ZNFX1: variants seen among roughly 807,000 people sequenced by gnomAD.
ZNFX1 encodes the protein NFX1-type zinc finger-containing protein 1.
Under a neutral mutation model 179.8 loss-of-function variants are expected in ZNFX1, and 78 were observed. The observed-to-expected ratio is 0.43, with a 90% CI of 0.36 to 0.52. The LOEUF is 0.52. Ranked by LOEUF, ZNFX1 falls within the 20% of genes least tolerant of loss-of-function variation. The pLI is 0.00. For synonymous variants in ZNFX1, 848 were observed against 868.5 expected (o/e 0.98, Z 0.42); for missense variants, 1,927 against 2,386.6 (o/e 0.81, Z 4.01).
intron 10 of ZNFX1, 129 bp from the exon 11 acceptor site, chr20:49,253,940 G>T: frequency 9.2e-7 from 1 of 1,081,998 alleles, no homozygotes; most frequent in Non-Finnish European, 1.3e-6. Flanking sequence ...TCCTTATAGT[G>T]TTCTGGGTGG....
chr20:49,257,719 T>G (rs1600989374), intron 7 of ZNFX1, 55 bp from the exon 8 acceptor site: 1 of 1,369,588 alleles, frequency 7.3e-7, no homozygotes, highest in Non-Finnish European at 9.8e-7. Context: ...TTTTTTTTTT[T>G]GATATGGAAT....
intron 2 of ZNFX1, among the ~76,000 whole-genome samples, chr20:49,273,009 A>T (rs1981458993): frequency 5.4e-5 from 1 of 18,526 alleles, no homozygotes; most frequent in African/African-American, 1.1e-4. Flanking sequence ...ATGATTTGAT[A>T]AAAAAGTTGT....
intron 1 of ZNFX1, among the ~76,000 whole-genome samples, chr20:49,276,279 C>T (rs1404752146): frequency 6.6e-6 from 1 of 152,194 alleles, no homozygotes; most frequent in African/African-American, 2.4e-5. Flanking sequence ...AAAAGGAGTA[C>T]ATTTTTGTTA....
At chr20:49,268,692 T>G (rs1444474307) in intron 3 of ZNFX1, among the ~76,000 whole-genome samples, 1 of 152,022 alleles carries the variant, frequency 6.6e-6, no homozygotes, top group African/African-American at 2.4e-5. Context: ...GAACAGACAC[T>G]TCTCAAAAGA....
intron 2 of ZNFX1, among the ~76,000 whole-genome samples, chr20:49,274,347 A>G (rs1421157662): frequency 6.6e-6 from 1 of 152,258 alleles, no homozygotes; most frequent in African/African-American, 2.4e-5. Context: ...GTGAATTATT[A>G]AAGTATGATA....
chr20:49,273,968 C>G (rs1422692654), intron 2 of ZNFX1, among the ~76,000 whole-genome samples: 1 of 152,110 alleles, frequency 6.6e-6, no homozygotes, highest in African/African-American at 2.4e-5. Flanking sequence ...TCACAAGAGC[C>G]CATAGTTCTT....
chr20:49,262,289 C>T (rs151027579), intron 6 of ZNFX1, among the ~76,000 whole-genome samples: 191 of 151,708 alleles, frequency 1.3e-3, no homozygotes, highest in African/African-American at 4.4e-3. Flanking sequence ...GCCTGTAATC[C>T]TAGCTACTCA....
At chr20:49,255,668 G>T in intron 9 of ZNFX1, 140 bp downstream of exon 9, 2 of 921,714 alleles carry the variant, frequency 2.2e-6, no homozygotes, top group Non-Finnish European at 3.3e-6. Flanking sequence ...CTATCCCATG[G>T]CTGTATCCCT....
intron 2 of ZNFX1, among the ~76,000 whole-genome samples, chr20:49,274,193 G>A (rs1981495517): frequency 6.6e-6 from 1 of 152,184 alleles, no homozygotes; most frequent in Non-Finnish European, 1.5e-5. Flanking sequence ...TGGCTGCTAT[G>A]TTTGTGAAAT....
At chr20:49,269,901 T>C in intron 3 of ZNFX1, 41 bp downstream of exon 3, 2 of 1,534,254 alleles carry the variant, frequency 1.3e-6, no homozygotes, top group Non-Finnish European at 1.7e-6. Context: ...TTGCTTATCT[T>C]ACAAAGCAGA....
intron 7 of ZNFX1, among the ~76,000 whole-genome samples, chr20:49,258,506 G>A (rs1018387367): frequency 2.6e-5 from 4 of 152,206 alleles, no homozygotes; most frequent in African/African-American, 9.6e-5. Flanking sequence ...ACGAATATAT[G>A]CCTTTTAAAG....
chr20:49,277,506 AG>A (rs999410062), intron 1 of ZNFX1, among the ~76,000 whole-genome samples: 2 of 128,996 alleles, frequency 1.6e-5, no homozygotes, highest in African/African-American at 6.0e-5. Context: ...CGGAGGAATG[AG>A]GGGGGTGCGA....
In ZNFX1 at chr20:49,257,562, T is replaced by G; in HGVS notation, c.2519A>C (p.Glu840Ala). 1.2e-6 allele frequency: 2 copies of G among 1,613,920 alleles called. No individual in the cohort carries two copies. The highest frequency in any genetic ancestry group is 2.2e-5 in the South Asian group (2 of 91,064). ...CCGCTGGGGCCTCACCACCTCTTCC[T>G]CCTCAATCACCCGGTCTGCTTGAAT... is the stretch of plus-strand genomic sequence containing the variant. ...DLIQADRVIE[E>A]EEVVRPQRRK... The change falls in exon 8 of 14, where the codon GAG becomes GCG. Residue 840 changes from glutamate to alanine, a missense_variant. By Grantham distance (107) the Glu-to-Ala change is moderately radical. Transcript: ENST00000396105.
At chr20:49,255,546 G>A (rs117270774) in intron 9 of ZNFX1, among the ~76,000 whole-genome samples, 25 of 152,176 alleles carry the variant, frequency 1.6e-4, no homozygotes, top group East Asian at 7.7e-4. Context: ...GTGGAATTAC[G>A]TGATTAATTT....
intron 2 of ZNFX1, among the ~76,000 whole-genome samples, chr20:49,273,692 G>C (rs1057164015): frequency 2.0e-5 from 3 of 152,154 alleles, no homozygotes; most frequent in Non-Finnish European, 4.4e-5. Context: ...CACTTTGGGA[G>C]GCTAAGGCAG....
chr20:49,271,735 T>G lies in ZNFX1; in HGVS notation c.77A>C (p.Glu26Ala). 1.2e-6 allele frequency: 2 copies of G among 1,612,112 alleles called. No individual in the cohort carries two copies. Among genetic ancestry groups the G allele is most frequent in the Non-Finnish European group, 1.7e-6 (2 of 1,178,870 alleles). Residue 26 changes from glutamate (E) to alanine (A), a missense_variant, in exon 3 of 14, where the codon GAG (glutamate) becomes GCG (alanine). Physicochemically the swap from Glu to Ala is moderately radical, Grantham distance 107. Coordinates refer to ENST00000396105, the MANE Select transcript of ZNFX1 (RefSeq NM_021035.3). ...HTNHRGPVDG[E>A]LPPRARNQAN... ...CTGATTTCTAGCTCTTGGTGGTAACTCTCCATCCACAGGGCCTAAACACAA... is the reference window on the plus strand; with the variant it reads ...CTGATTTCTAGCTCTTGGTGGTAACGCTCCATCCACAGGGCCTAAACACAA...
rs547573579 is a variant in ZNFX1, at chr20:49,256,049, A to T, written c.2665-102T>A. On this transcript the variant is annotated intron_variant, in intron 8 of 13. Coordinates refer to ENST00000396105, the MANE Select transcript of ZNFX1 (RefSeq NM_021035.3). ...GCACGTAAGAAAAAGGGCTGGCATC[A>T]CTGATTAATGTCAAGTGTCTTACAT... is the stretch of plus-strand genomic sequence containing the variant. The T allele has an allele frequency of 2.4e-5, 33 of 1,391,810 alleles. No individual in the cohort carries two copies. In the African/African-American group the frequency reaches 4.6e-4, roughly 19 times the overall value. The allele number at this position is 1,391,810 out of a possible 1,614,324, so 86.2% of individuals were successfully genotyped here.
chr20:49,249,485 C>T lies in ZNFX1; in HGVS notation c.3539G>A (p.Arg1180Lys), dbSNP rs774274005. ...TTGGTATTTGTCCACAACATGGACC[C>T]TGACGCCAGCAAATGTCTTGGCAGG... ...LMPAKTFAGVRVHVVDKYQGE... is the reference protein window; with the variant it reads ...LMPAKTFAGVKVHVVDKYQGE... The change falls in exon 14 of 14, where the codon AGG becomes AAG. Residue 1180 changes from arginine (R) to lysine (K), a missense_variant. By Grantham distance (26) the Arg-to-Lys change is conservative. Coordinates refer to ENST00000396105, the MANE Select transcript of ZNFX1 (RefSeq NM_021035.3). The T allele has an allele frequency of 6.2e-7, 1 of 1,614,246 alleles. No homozygotes were observed. The highest frequency in any genetic ancestry group is 8.5e-7 in the Non-Finnish European group (1 of 1,180,050).
intron 1 of ZNFX1, among the ~76,000 whole-genome samples, chr20:49,276,310 C>G (rs1981556640): frequency 1.3e-5 from 2 of 152,174 alleles, no homozygotes; most frequent in Non-Finnish European, 2.9e-5. Context: ...ATGTGCTCAC[C>G]ACCTTATCTG....
Sources: allele counts gnomAD v4.1 joint callset (sites outside exome capture counted in the v4.1 genomes callset), GRCh38; gene constraint gnomAD v4.1.1; transcripts MANE v1.5; gene names NCBI Gene and HGNC (gene_info 2026-07-23, HGNC 2026-07-21).